Variants in CDK19 observed in about 807,000 individuals in gnomAD.
CDK19 encodes cyclin dependent kinase 19.
CDK19 carries 20 observed loss-of-function variants against 68.3 expected under a neutral mutation model. The ratio of observed to expected loss-of-function variants is 0.29; its 90% CI spans 0.21 to 0.43. The LOEUF (loss-of-function observed/expected upper bound fraction) is 0.43, where lower values mean the gene tolerates loss of function less well. CDK19 is among the 20% of genes least tolerant of loss of function. The probability of loss-of-function intolerance (pLI) is 1.00; values close to 1 mark genes in which losing one functional copy is unlikely to be tolerated. For synonymous variants in CDK19, 221 were observed against 222.8 expected, an observed-to-expected ratio of 0.99 and a Z score of 0.07; for missense variants, 339 against 623.5, an observed-to-expected ratio of 0.54 and a Z score of 4.86.
intron 1 of CDK19, among the ~76,000 whole-genome samples, chr6:110,798,628 GAAAAAAAAA>G (rs59236293): frequency 1.8e-5 from 1 of 56,734 alleles, no homozygotes; most frequent in African/African-American, 5.7e-5. Context: ...TCTGTCTCCA[GAAAAAAAAA>G]AAAAAAAAAA....
rs1035971799 is a variant in CDK19, at chr6:110,753,396, A to T, written c.129-7195T>A. Among the ~76,000 whole-genome samples, 4 of 148,534 alleles carry T rather than the reference A, an allele frequency of 2.7e-5. No homozygotes were observed. The East Asian group carries it at 7.9e-4, about 29-fold the overall frequency. On this transcript the variant is annotated intron_variant, in intron 1 of 12. Coordinates refer to ENST00000368911, the MANE Select transcript of CDK19 (RefSeq NM_015076.5). ...TTCAAAACAACTAGAATAATTTTTT[A>T]TTTTTTTTTTAGACAAGGTCTCTGT...
rs1159448392 is a variant in CDK19 at position 110,725,967 on chromosome 6, A to G, written c.204+20159T>C. On this transcript the variant is annotated intron_variant, in intron 2 of 12. Transcript: ENST00000368911. ...GATTTTATAAATAAACTCTTTCAGA[A>G]AGCATTTCTTTTTTTTTCAATCCAA... Among the ~76,000 whole-genome samples, 15 of 152,186 alleles carry G rather than the reference A, an allele frequency of 9.9e-5. 1 individual carries two copies.
chr6:110,612,506 G>A lies in CDK19; in HGVS notation c.*2029C>T, dbSNP rs1778079852. 1 of 152,390 alleles carries A rather than the reference G, an allele frequency of 6.6e-6. No homozygotes were observed. Among genetic ancestry groups the A allele is most frequent in the Admixed American group, 6.5e-5 (1 of 15,276 alleles). The allele number at this position is 152,390 out of a possible 1,614,324, so 9.4% of individuals were successfully genotyped here. A position where few individuals can be genotyped will look rare whatever the true frequency, so the allele number is the denominator to read the frequency against. ...ATCACATGGCACAGACATCCCAGGAGGGCTTACTGTCACAGATCACAAGCT... is the reference window on the plus strand; with the variant it reads ...ATCACATGGCACAGACATCCCAGGAAGGCTTACTGTCACAGATCACAAGCT... On this transcript the variant is annotated 3_prime_UTR_variant, in exon 13 of 13. Transcript: ENST00000368911.
At chr6:110,793,212 TA>T (rs1354852945) in intron 1 of CDK19, among the ~76,000 whole-genome samples, 3 of 152,034 alleles carry the variant, frequency 2.0e-5, no homozygotes, top group Non-Finnish European at 4.4e-5. Context: ...CCCCAAAAAA[TA>T]CTGTTTATTC....
intron 2 of CDK19, among the ~76,000 whole-genome samples, chr6:110,685,879 G>C (rs2114545829): frequency 6.6e-6 from 1 of 152,210 alleles, no homozygotes; most frequent in South Asian, 2.1e-4. Context: ...AGGACAAGTG[G>C]GCTTTCCCCT....
chr6:110,753,015 G>A (rs1017337447), intron 1 of CDK19, among the ~76,000 whole-genome samples: 6 of 151,884 alleles, frequency 4.0e-5, no homozygotes, highest in South Asian at 2.1e-4. Context: ...CTGCAGCCTC[G>A]ACCTCCGGGC....
rs1038186285 is a variant in CDK19 at position 110,736,416 on chromosome 6, C to T, written c.204+9710G>A. Among the ~76,000 whole-genome samples, 5 of 152,110 alleles carry T rather than the reference C, an allele frequency of 3.3e-5. No homozygotes were observed. The East Asian group carries it at 9.6e-4, about 29-fold the overall frequency. On this transcript the variant is annotated intron_variant, in intron 2 of 12. Transcript: ENST00000368911. ...GGTCCAGGTACTAATAGTAACTTGC[C>T]AAAGATGTACAGGATAATAGTGGAA...
intron 1 of CDK19, chr6:110,813,035 G>A (rs1259089860): frequency 6.8e-6 from 1 of 146,544 alleles, no homozygotes; most frequent in Non-Finnish European, 1.5e-5. Context: ...AATGCTTTCA[G>A]ATCCTGAGAG....
chr6:110,638,091 A>C (rs1458356372), intron 5 of CDK19, among the ~76,000 whole-genome samples: 1 of 152,172 alleles, frequency 6.6e-6, no homozygotes, highest in East Asian at 1.9e-4. Flanking sequence ...ATTATAAAGG[A>C]AATCTTAATA....
chr6:110,781,904 T>C (rs1780854198), intron 1 of CDK19, among the ~76,000 whole-genome samples: 1 of 146,902 alleles, frequency 6.8e-6, no homozygotes, highest in Non-Finnish European at 1.5e-5. Flanking sequence ...AAAGAATCTC[T>C]GTCAATAACT....
At chr6:110,664,731 A>C (rs964730836) in intron 4 of CDK19, among the ~76,000 whole-genome samples, 12 of 152,152 alleles carry the variant, frequency 7.9e-5, no homozygotes, top group Non-Finnish European at 1.8e-4. Flanking sequence ...AGAGATCTCT[A>C]AACTGCTATA....
chr6:110,715,897 G>A (rs891846356), intron 2 of CDK19, among the ~76,000 whole-genome samples: 3 of 152,088 alleles, frequency 2.0e-5, no homozygotes, highest in South Asian at 2.1e-4. Context: ...AGAAAACAAC[G>A]GAACATCCTT....
chr6:110,782,474 C>T (rs1168926227), intron 1 of CDK19, among the ~76,000 whole-genome samples: 1 of 152,206 alleles, frequency 6.6e-6, no homozygotes, highest in Non-Finnish European at 1.5e-5. Flanking sequence ...TAACAGCCAT[C>T]TACTTCCAAT....
At chr6:110,811,466 C>T (rs1299983832) in intron 1 of CDK19, among the ~76,000 whole-genome samples, 5 of 152,134 alleles carry the variant, frequency 3.3e-5, no homozygotes, top group Admixed American at 3.3e-4. Context: ...GTTGGCCAGG[C>T]TGGTCTCCTG....
chr6:110,649,958 T>G (rs919781245), intron 4 of CDK19, among the ~76,000 whole-genome samples: 3 of 152,230 alleles, frequency 2.0e-5, no homozygotes, highest in African/African-American at 7.2e-5. Flanking sequence ...ATATATAGCC[T>G]TTGAATCAGT....
intron 2 of CDK19, among the ~76,000 whole-genome samples, chr6:110,710,942 C>T (rs563961838): frequency 7.6e-4 from 115 of 152,226 alleles, no homozygotes; most frequent in African/African-American, 2.6e-3. Context: ...ACAAAAAGGG[C>T]AGAGGGGTTA....
At chr6:110,696,044 A>G (rs1773454414) in intron 2 of CDK19, among the ~76,000 whole-genome samples, 2 of 152,216 alleles carry the variant, frequency 1.3e-5, no homozygotes, top group African/African-American at 4.8e-5. Context: ...GGATATATTG[A>G]AAAAAGAAAA....
At chr6:110,774,149 T>C (rs1350780051) in intron 1 of CDK19, among the ~76,000 whole-genome samples, 4 of 152,202 alleles carry the variant, frequency 2.6e-5, no homozygotes, top group African/African-American at 9.7e-5. Context: ...AGACCAAAAG[T>C]TGAGCCTTAA....
chr6:110,677,570 TA>T (rs538974161), intron 2 of CDK19, among the ~76,000 whole-genome samples: 3,399 of 59,678 alleles, frequency 0.057, 52 homozygotes, highest in Non-Finnish European at 0.08. Context: ...CATCTCAACA[TA>T]AAAAAAAAAA....
Sources: allele counts gnomAD v4.1 joint callset (sites outside exome capture counted in the v4.1 genomes callset), GRCh38; gene constraint gnomAD v4.1.1; transcripts MANE v1.5; gene names NCBI Gene and HGNC (gene_info 2026-07-23, HGNC 2026-07-21).